The following PNPLA2 variants were observed in gnomAD, a reference collection of about 807,000 sequenced individuals.
PNPLA2 encodes patatin-like phospholipase domain-containing protein 2.
Under a neutral mutation model 39.7 loss-of-function variants are expected in PNPLA2, and 28 were observed. The ratio of observed to expected loss-of-function variants is 0.70; its 90% CI spans 0.52 to 0.97. The LOEUF is 0.97. Ranked by LOEUF, PNPLA2 falls within the 50% of genes least tolerant of loss-of-function variation. The probability of loss-of-function intolerance (pLI) is 0.00; values close to 1 mark genes in which losing one functional copy is unlikely to be tolerated. For synonymous variants in PNPLA2, 392 were observed against 321.1 expected, an observed-to-expected ratio of 1.22 and a Z score of -2.36; for missense variants, 768 against 698.2, an observed-to-expected ratio of 1.10 and a Z score of -1.13.
rs1845609798 is a variant in PNPLA2 at position 819,881 on chromosome 11, G to A, written c.163G>A (p.Ala55Thr). ...GASAGALTATALVTGVCLGEA... is the reference protein window; with the variant it reads ...GASAGALTATTLVTGVCLGEA... ...CTCGGCCGGGGCGCTCACGGCCACG[G>A]CGCTGGTCACCGGGGTCTGCCTGGG... Residue 55 changes from alanine (A) to threonine (T), a missense_variant, in exon 2 of 10, where the codon GCG (alanine) becomes ACG (threonine). Transcript: ENST00000336615. 2 of 1,446,322 alleles carry A rather than the reference G, an allele frequency of 1.4e-6. No individual in the cohort carries two copies. The highest frequency in any genetic ancestry group is 2.7e-5 in the South Asian group (2 of 74,912). 89.6% of individuals were successfully genotyped at this position (1,446,322 alleles called of 1,614,324 possible). A position where few individuals can be genotyped will look rare whatever the true frequency, so the allele number is the denominator to read the frequency against.
chr11:824,142 G>T lies in PNPLA2; in HGVS notation c.1052+12G>T, dbSNP rs1223282320. ...TCCTTCACCATCCGGTGTGAGGGCT[G>T]GGGGGTCGGGAGAGGGGCCCAGGGG... On this transcript the variant is annotated intron_variant, in intron 8 of 9. Transcript: ENST00000336615. 4 of 1,586,310 alleles carry T rather than the reference G, an allele frequency of 2.5e-6. No homozygotes were observed. Among genetic ancestry groups the T allele is most frequent in the Middle Eastern group, 1.7e-4 (1 of 6,000 alleles).
intron 4 of PNPLA2, 31 bp from the exon 5 acceptor site, chr11:822,366 C>A (rs1306047207): frequency 6.3e-7 from 1 of 1,592,102 alleles, no homozygotes; most frequent in East Asian, 2.2e-5. Context: ...CAGGCCCTCA[C>A]ATACGGTCCT....
Position 819,622 on chromosome 11 carries a change from C to T in PNPLA2, c.-97C>T. The T allele has an allele frequency of 1.5e-6, 2 of 1,315,306 alleles. No homozygotes were observed. Among genetic ancestry groups the T allele is most frequent in the Non-Finnish European group, 2.0e-6 (2 of 1,016,482 alleles). The allele number at this position is 1,315,306 out of a possible 1,614,324, so 81.5% of individuals were successfully genotyped here. A position where few individuals can be genotyped will look rare whatever the true frequency, so the allele number is the denominator to read the frequency against. On this transcript the variant is annotated 5_prime_UTR_variant, in exon 2 of 10. Coordinates refer to ENST00000336615, the MANE Select transcript of PNPLA2 (RefSeq NM_020376.4). ...ACCCCGAGCTAGAGCCGCAGCGGGA[C>T]CTGCCCGGCCCCCGGCTCCAGCGAG...
chr11:821,866 G>T lies in PNPLA2; in HGVS notation c.420+6G>T, dbSNP rs181493886. On this transcript the variant is annotated splice_donor_region_variant and intron_variant, in intron 3 of 9. Transcript: ENST00000336615. ...CCAAGGACGAGCTCATCCAGGTGGG[G>T]CCTGGTGGAGCCATGCTGGGTGGCG... 23 of 1,611,302 alleles carry T rather than the reference G, an allele frequency of 1.4e-5. No individual in the cohort carries two copies. The African/African-American group carries it at 2.9e-4, about 21-fold the overall frequency.
chr11:824,116 G>A lies in PNPLA2; in HGVS notation c.1038G>A (p.Leu346=). The change falls in exon 8 of 10, where the codon CTG becomes CTA. Residue 346 remains leucine (L), a synonymous_variant. Transcript: ENST00000336615. ...ACACGCTGCCGCTGGAGAGCGCTCTGTCCTTCACCATCCGGTGTGAGGGCT... is the reference window on the plus strand; with the variant it reads ...ACACGCTGCCGCTGGAGAGCGCTCTATCCTTCACCATCCGGTGTGAGGGCT... ...VPYTLPLESA[L]SFTIRLLEWL... 1 of 1,599,070 alleles carries A rather than the reference G, an allele frequency of 6.3e-7. No homozygotes were observed. Among genetic ancestry groups the A allele is most frequent in the Non-Finnish European group, 8.5e-7 (1 of 1,174,292 alleles).
In PNPLA2 at chr11:824,435, A is replaced by G; in HGVS notation, c.1174A>G (p.Arg392Gly). 6.4e-7 allele frequency: 1 copy of G among 1,554,332 alleles called. No individual in the cohort carries two copies. The highest frequency in any genetic ancestry group is 8.7e-7 in the Non-Finnish European group (1 of 1,149,510). The change falls in exon 9 of 10, where the codon AGG (arginine) becomes GGG (glycine). Residue 392 changes from arginine (R) to glycine (G), a missense_variant and splice_region_variant. Transcript: ENST00000336615. Reference protein sequence around the residue: ...KRKLGRHLPSRLPEQVELRRV... With the variant: ...KRKLGRHLPSGLPEQVELRRV... ...GAAGCTGGGCAGGCACCTGCCCTCC[A>G]GGTGAGCCGCCGACCGCGCGTCCAC...
rs1328803992 is a variant in PNPLA2, at chr11:819,797, T to C, written c.79T>C (p.Ser27Pro). 1.3e-6 allele frequency: 2 copies of C among 1,509,758 alleles called. No individual in the cohort carries two copies. Among genetic ancestry groups the C allele is most frequent in the East Asian group, 2.8e-5 (1 of 35,178 alleles). 93.5% of individuals were successfully genotyped at this position (1,509,758 alleles called of 1,614,324 possible). A position where few individuals can be genotyped will look rare whatever the true frequency, so the allele number is the denominator to read the frequency against. ...CGGCGTCTACTACGTCGGCGTGGCC[T>C]CCTGCCTCCGCGAGCACGCGCCCTT... is the stretch of plus-strand genomic sequence containing the variant. ...FLGVYYVGVASCLREHAPFLV... is the reference protein window; with the variant it reads ...FLGVYYVGVAPCLREHAPFLV... The change falls in exon 2 of 10, where the codon TCC becomes CCC. Residue 27 changes from serine to proline, a missense_variant. Transcript: ENST00000336615.
At chr11:819,435 CG>C (rs1341732827) in intron 1 of PNPLA2, 138 bp from the exon 2 acceptor site, 5 of 1,132,454 alleles carry the variant, frequency 4.4e-6, no homozygotes, top group African/African-American at 1.6e-5. Flanking sequence ...GGCTCCAGCG[CG>C]GGGGGCCGGG....
intron 4 of PNPLA2, 123 bp downstream of exon 4, chr11:822,146 CTG>C (rs1845688136): frequency 1.1e-6 from 1 of 916,298 alleles, no homozygotes; most frequent in Non-Finnish European, 1.8e-6. Context: ...CCCACTTCCC[CTG>C]TGTTACTCAA....
In PNPLA2 at chr11:824,845, G is replaced by C. The variant is rs1344174615; in HGVS notation, c.1498G>C (p.Gly500Arg). 6.5e-7 allele frequency: 1 copy of C among 1,534,300 alleles called. No homozygotes were observed. Among genetic ancestry groups the C allele is most frequent in the Non-Finnish European group, 8.7e-7 (1 of 1,145,914 alleles). The change falls in exon 10 of 10, where the codon GGG becomes CGG. Residue 500 changes from glycine (G) to arginine (R), a missense_variant. Physicochemically the swap from Gly to Arg is moderately radical, Grantham distance 125. Coordinates refer to ENST00000336615, the MANE Select transcript of PNPLA2 (RefSeq NM_020376.4). ...TPAPEARPVIGALGL is the reference protein window; with the variant it reads ...TPAPEARPVIRALGL ...TGCTCCCGAGGCCCGGCCCGTGATC[G>C]GGGCCCTGGGGCTGTGAGACCCCGA...
chr11:820,435 C>T (rs1226989938), intron 2 of PNPLA2, among the ~76,000 whole-genome samples: 2 of 152,228 alleles, frequency 1.3e-5, no homozygotes, highest in Non-Finnish European at 2.9e-5. Context: ...CTCTCCTGCC[C>T]TCTCCTTGCA....
rs760056321 is a variant in PNPLA2, at chr11:824,039, AC to A, written c.964del (p.Leu322SerfsTer13). ...ACVEPTDLLT[T>X]LSNMLPVRLA... ...CGTGGAGCCCACGGACCTGCTGACC[AC>A]CCTCTCCAACATGCTGCCTGTGCGT... On this transcript the variant is annotated frameshift_variant, in exon 8 of 10. Coordinates refer to ENST00000336615, the MANE Select transcript of PNPLA2 (RefSeq NM_020376.4). LOFTEE classifies it high-confidence loss of function. The A allele has an allele frequency of 6.2e-7, 1 of 1,609,922 alleles. No homozygotes were observed. Among genetic ancestry groups the A allele is most frequent in the Admixed American group, 1.7e-5 (1 of 59,866 alleles).
rs1264066187 is a variant in PNPLA2 at position 824,811 on chromosome 11, G to A, written c.1464G>A (p.Leu488=). 3 of 1,534,554 alleles carry A rather than the reference G, an allele frequency of 2.0e-6. No individual in the cohort carries two copies. The highest frequency in any genetic ancestry group is 2.7e-5 in the African/African-American group (2 of 73,082). Residue 488 remains leucine, a synonymous_variant, in exon 10 of 10, where the codon CTG becomes CTA. Coordinates refer to ENST00000336615, the MANE Select transcript of PNPLA2 (RefSeq NM_020376.4). ...QHQLAGPAPL[L]STPAPEARPV... is the part of the protein sequence containing the mutation. Reference sequence around the variant, plus strand: ...AGCTGGCCGGGCCTGCCCCCTTGCTGAGCACCCCTGCTCCCGAGGCCCGGC... The same window carrying A: ...AGCTGGCCGGGCCTGCCCCCTTGCTAAGCACCCCTGCTCCCGAGGCCCGGC...
chr11:824,367 A>T lies in PNPLA2; in HGVS notation c.1106A>T (p.Gln369Leu), dbSNP rs1845794849. 1 of 1,551,200 alleles carries T rather than the reference A, an allele frequency of 6.4e-7. No homozygotes were observed. The highest frequency in any genetic ancestry group is 1.4e-5 in the African/African-American group (1 of 73,154). Residue 369 changes from glutamine (Q) to leucine (L), a missense_variant, in exon 9 of 10, where the codon CAG (glutamine) becomes CTG (leucine). Gln to Leu is a moderately radical substitution (Grantham distance 113, BLOSUM62 -2). Coordinates refer to ENST00000336615, the MANE Select transcript of PNPLA2 (RefSeq NM_020376.4). The stretch of plus-strand genomic sequence containing the variant: ...GAGGACATCCGGTGGATGAAGGAGC[A>T]GACGGGCAGCATCTGCCAGTACCTG... ...VPEDIRWMKE[Q>L]TGSICQYLVM...
At position 819,817 on chromosome 11, in the gene PNPLA2, G is replaced by C. The variant is rs776119072; in HGVS notation, c.99G>C (p.Ala33=). The C allele has an allele frequency of 3.3e-6, 5 of 1,497,242 alleles. No individual in the cohort carries two copies. Among genetic ancestry groups the C allele is most frequent in the Non-Finnish European group, 3.6e-6 (4 of 1,124,380 alleles). 92.7% of individuals were successfully genotyped at this position (1,497,242 alleles called of 1,614,324 possible). Reference sequence around the variant, plus strand: ...TGGCCTCCTGCCTCCGCGAGCACGCGCCCTTCCTGGTGGCCAACGCCACGC... The same window carrying C: ...TGGCCTCCTGCCTCCGCGAGCACGCCCCCTTCCTGGTGGCCAACGCCACGC... ...VGVASCLREH[A]PFLVANATHI... Residue 33 remains alanine (A), a synonymous_variant, in exon 2 of 10, where the codon GCG becomes GCC. Transcript: ENST00000336615.
intron 1 of PNPLA2, 165 bp from the exon 2 acceptor site, chr11:819,409 C>CGG (rs1215825621): frequency 4.3e-5 from 42 of 974,690 alleles, no homozygotes; most frequent in Non-Finnish European, 5.1e-5. Context: ...TTTCTCCGGG[C>CGG]GGCAGCGGAG....
rs1264088675 is a variant in PNPLA2, at chr11:824,819, C to T, written c.1472C>T (p.Pro491Leu). 6.5e-7 allele frequency: 1 copy of T among 1,534,822 alleles called. No individual in the cohort carries two copies. The highest frequency in any genetic ancestry group is 1.2e-5 in the South Asian group (1 of 84,052). ...GGGCCTGCCCCCTTGCTGAGCACCC[C>T]TGCTCCCGAGGCCCGGCCCGTGATC... is the stretch of plus-strand genomic sequence containing the variant. ...LAGPAPLLST[P>L]APEARPVIGA... The change falls in exon 10 of 10, where the codon CCT becomes CTT. Residue 491 changes from proline to leucine, a missense_variant. Physicochemically the swap from Pro to Leu is moderately conservative, Grantham distance 98. Coordinates refer to ENST00000336615, the MANE Select transcript of PNPLA2 (RefSeq NM_020376.4).
At chr11:819,393 A>G (rs1343511571) in intron 1 of PNPLA2, 181 bp from the exon 2 acceptor site, 2 of 977,662 alleles carry the variant, frequency 2.0e-6, no homozygotes, top group African/African-American at 3.5e-5. Flanking sequence ...GAGGGAGGGC[A>G]GAAGCTTTCT....
intron 2 of PNPLA2, among the ~76,000 whole-genome samples, chr11:820,171 A>G (rs1039076718): frequency 2.0e-5 from 3 of 152,208 alleles, no homozygotes; most frequent in African/African-American, 7.2e-5. Context: ...AAAGCTGCTT[A>G]ATTGGACAGA....
Sources: allele counts gnomAD v4.1 joint callset (sites outside exome capture counted in the v4.1 genomes callset), GRCh38; gene constraint gnomAD v4.1.1; transcripts MANE v1.5; gene names NCBI Gene and HGNC (gene_info 2026-07-23, HGNC 2026-07-21).